Variants in GNB1 observed in about 807,000 individuals in gnomAD.
GNB1 encodes the protein G protein subunit beta 1, also known as guanine nucleotide-binding protein G(I)/G(S)/G(T) subunit beta-1.
GNB1 carries 2 observed loss-of-function variants against 42.9 expected under a neutral mutation model. The ratio of observed to expected loss-of-function variants is 0.05; its 90% CI spans 0.02 to 0.15. The LOEUF is 0.15. GNB1 is among the 10% of genes least tolerant of loss of function. The pLI, the probability that GNB1 is intolerant of heterozygous loss-of-function variation, is 1.00. For missense variants in GNB1, 193 were observed against 462.2 expected, an observed-to-expected ratio of 0.42 and a Z score of 5.34; for synonymous variants, 183 against 174.7, an observed-to-expected ratio of 1.05 and a Z score of -0.38.
At chr1:1,796,125 TTC>T (rs1400353251) in intron 7 of GNB1, among the ~76,000 whole-genome samples, 2 of 152,226 alleles carry the variant, frequency 1.3e-5, no homozygotes, top group African/African-American at 4.8e-5. Flanking sequence ...GTTCAACTTT[TTC>T]TTATAAGATA....
intron 7 of GNB1, among the ~76,000 whole-genome samples, chr1:1,802,430 A>C (rs1215627848): frequency 6.6e-6 from 1 of 152,192 alleles, no homozygotes; most frequent in Non-Finnish European, 1.5e-5. Context: ...TAAGTCAAAT[A>C]AGCACTCACA....
intron 1 of GNB1, among the ~76,000 whole-genome samples, chr1:1,853,062 C>T (rs1648078249): frequency 6.6e-6 from 1 of 152,106 alleles, no homozygotes; most frequent in Non-Finnish European, 1.5e-5. Flanking sequence ...TCCCAGCTCT[C>T]CTGCAGCACA....
chr1:1,824,107 CAA>C (rs912791042), intron 3 of GNB1, among the ~76,000 whole-genome samples: 1 of 152,136 alleles, frequency 6.6e-6, no homozygotes, highest in Non-Finnish European at 1.5e-5. Context: ...ACAGAGCAAA[CAA>C]GAGTAAGAGA....
At chr1:1,798,337 C>A (rs1004440924) in intron 7 of GNB1, among the ~76,000 whole-genome samples, 4 of 152,182 alleles carry the variant, frequency 2.6e-5, no homozygotes, top group African/African-American at 9.7e-5. Flanking sequence ...CAACATATAT[C>A]CCCTTCTGTG....
intron 4 of GNB1, 64 bp downstream of exon 4, chr1:1,817,773 G>A (rs369707527): frequency 7.7e-6 from 9 of 1,164,300 alleles, no homozygotes; most frequent in African/African-American, 7.5e-5. Flanking sequence ...CGAGGCTCCA[G>A]GTGTGGGTGC....
intron 2 of GNB1, among the ~76,000 whole-genome samples, chr1:1,833,630 GT>G (rs2101084231): frequency 6.6e-6 from 1 of 152,280 alleles, no homozygotes; most frequent in South Asian, 2.1e-4. Context: ...GGTAAATCAC[GT>G]GGAGTTACAG....
chr1:1,791,758 G>C lies in GNB1; in HGVS notation c.498-1162C>G, dbSNP rs773772342. Among the ~76,000 whole-genome samples the C allele has an allele frequency of 1.3e-4, 20 of 152,218 alleles. 1 individual carries two copies. Among genetic ancestry groups the C allele is most frequent in the Non-Finnish European group, 5.9e-5 (4 of 68,040 alleles). ...ACAGGGAGCCTCCTCTCTAGGGCCT[G>C]AGGGACTGACTGCAGAAGGGAAGCA... On this transcript the variant is annotated intron_variant, in intron 8 of 11. Coordinates refer to ENST00000378609, the MANE Select transcript of GNB1 (RefSeq NM_002074.5).
At chr1:1,863,459 G>C (rs894400048) in intron 1 of GNB1, among the ~76,000 whole-genome samples, 1 of 152,184 alleles carries the variant, frequency 6.6e-6, no homozygotes, top group Non-Finnish European at 1.5e-5. Flanking sequence ...GGAGGGGTTT[G>C]GGAGTGGGGC....
intron 7 of GNB1, among the ~76,000 whole-genome samples, chr1:1,800,023 C>A (rs1356693307): frequency 6.6e-6 from 1 of 152,232 alleles, no homozygotes; most frequent in African/African-American, 2.4e-5. Flanking sequence ...ACAAGAAAGA[C>A]AGAGATAGAC....
At chr1:1,824,721 C>T (rs1387755609) in intron 3 of GNB1, among the ~76,000 whole-genome samples, 1 of 151,994 alleles carries the variant, frequency 6.6e-6, no homozygotes, top group Non-Finnish European at 1.5e-5. Flanking sequence ...TACAGGCACA[C>T]ACCACCACAC....
chr1:1,790,839 G>A lies in GNB1; in HGVS notation c.498-243C>T, dbSNP rs1035372372. 3.9e-5 allele frequency among the ~76,000 whole-genome samples: 6 copies of A among 152,110 alleles called. No homozygotes were observed. Among genetic ancestry groups the A allele is most frequent in the African/African-American group, 1.5e-4 (6 of 41,370 alleles). On this transcript the variant is annotated intron_variant, in intron 8 of 11. Coordinates refer to ENST00000378609, the MANE Select transcript of GNB1 (RefSeq NM_002074.5). The surrounding 1 kb of genome is among the most constrained non-coding windows in gnomAD (Gnocchi z 5.4). ...GCCTGGGCTTCAGAATGACGGGATCGCTACCTCAACTCAAATGCCAGCAAA... is the reference window on the plus strand; with the variant it reads ...GCCTGGGCTTCAGAATGACGGGATCACTACCTCAACTCAAATGCCAGCAAA...
At chr1:1,876,893 C>T (rs762910457) in intron 1 of GNB1, among the ~76,000 whole-genome samples, 1 of 152,102 alleles carries the variant, frequency 6.6e-6, no homozygotes, top group East Asian at 1.9e-4. Flanking sequence ...ATGTCCAGCA[C>T]GTGGATTCAG....
chr1:1,852,543 T>A (rs900033944), intron 1 of GNB1, among the ~76,000 whole-genome samples: 4 of 151,922 alleles, frequency 2.6e-5, no homozygotes, highest in African/African-American at 9.7e-5. Context: ...AAATATTTTT[T>A]AAAAAAATTG....
intron 2 of GNB1, among the ~76,000 whole-genome samples, chr1:1,833,263 C>G (rs143544379): frequency 2.0e-5 from 3 of 152,274 alleles, no homozygotes; most frequent in African/African-American, 7.2e-5. Context: ...GACGAAGCAG[C>G]ATTTTGAAAG....
rs767751820 is a variant in GNB1 at position 1,790,371 on chromosome 1, C to G, written c.699+24G>C. On this transcript the variant is annotated intron_variant, in intron 9 of 11. Transcript: ENST00000378609. This position sits in a 1 kb window ranked among gnomAD's most constrained non-coding sequence, Gnocchi z 5.4. ...CTAGCAGAGACGGCAGAGGACCCGA[C>G]CCCACACCTCCACCCAGACTCACGC... 10 of 1,564,084 alleles carry G rather than the reference C, an allele frequency of 6.4e-6. No individual in the cohort carries two copies. Among genetic ancestry groups the G allele is most frequent in the Non-Finnish European group, 8.8e-6 (10 of 1,134,448 alleles).
At chr1:1,879,865 A>C (rs1649746768) in intron 1 of GNB1, among the ~76,000 whole-genome samples, 1 of 152,102 alleles carries the variant, frequency 6.6e-6, no homozygotes, top group Admixed American at 6.6e-5. Context: ...TTTTAGCTGA[A>C]GTCTAAGAGG....
intron 1 of GNB1, among the ~76,000 whole-genome samples, chr1:1,841,276 C>A (rs1647234995): frequency 6.6e-6 from 1 of 152,042 alleles, no homozygotes; most frequent in Non-Finnish European, 1.5e-5. Context: ...GCAACCTCTG[C>A]ATCCCAGGTT....
At chr1:1,856,393 G>C (rs1570722081) in intron 1 of GNB1, among the ~76,000 whole-genome samples, 1 of 152,190 alleles carries the variant, frequency 6.6e-6, no homozygotes, top group East Asian at 1.9e-4. Flanking sequence ...TGAAGTGCTG[G>C]GATAACAGGC....
intron 1 of GNB1, among the ~76,000 whole-genome samples, chr1:1,845,578 A>T (rs1179727200): frequency 2.0e-5 from 3 of 152,056 alleles, no homozygotes; most frequent in Admixed American, 1.3e-4. Context: ...GTCTCAAAAA[A>T]AATAATAATA....
Sources: allele counts gnomAD v4.1 joint callset (sites outside exome capture counted in the v4.1 genomes callset), GRCh38; gene constraint gnomAD v4.1.1; non-coding constraint Gnocchi (gnomAD v3.1); transcripts MANE v1.5; gene names NCBI Gene and HGNC (gene_info 2026-07-23, HGNC 2026-07-21).